The following SMARCA2 variants were observed in gnomAD, a reference collection of about 807,000 sequenced individuals.
The protein encoded by SMARCA2 is SWI/SNF related BAF chromatin remodeling complex subunit ATPase 2, also known as SWI/SNF-related matrix-associated actin-dependent regulator of chromatin subfamily A member 2.
A neutral mutation model predicts 199.8 loss-of-function variants in SMARCA2; 61 were observed. The observed-to-expected ratio is 0.31, with a 90% CI of 0.25 to 0.38. SMARCA2 has a LOEUF of 0.38. SMARCA2 is among the 10% of genes least tolerant of loss of function. SMARCA2 has a pLI of 1.00. For missense variants in SMARCA2, 1,344 were observed against 2,012.2 expected, an observed-to-expected ratio of 0.67 and a Z score of 6.35; for synonymous variants, 935 against 732.0, an observed-to-expected ratio of 1.28 and a Z score of -4.48.
At chr9:2,107,607 C>T (rs1355560589) in intron 23 of SMARCA2, among the ~76,000 whole-genome samples, 1 of 152,190 alleles carries the variant, frequency 6.6e-6, no homozygotes, top group South Asian at 2.1e-4. Context: ...TGTGAGCCAC[C>T]ATGCCTGGCC....
intron 7 of SMARCA2, 120 bp from the exon 8 acceptor site, chr9:2,058,171 T>C (rs368036108): frequency 1.2e-6 from 1 of 848,574 alleles, no homozygotes. Flanking sequence ...CCCAAACAGA[T>C]TCTAGTCTTC....
chr9:2,166,161 G>C (rs1461524208), intron 28 of SMARCA2, among the ~76,000 whole-genome samples: 2 of 152,152 alleles, frequency 1.3e-5, no homozygotes, highest in Non-Finnish European at 2.9e-5. Flanking sequence ...TCAGGACATT[G>C]TCCTTCAGGT....
rs1308535402 is a variant in SMARCA2 at position 2,026,489 on chromosome 9, A to G, written c.-36-2498A>G. ...ATGAGTAATTACAACATTCTCTGAGATTCCCAGGTGGAAATGATAATGCAT... is the reference window on the plus strand; with the variant it reads ...ATGAGTAATTACAACATTCTCTGAGGTTCCCAGGTGGAAATGATAATGCAT... On this transcript the variant is annotated intron_variant, in intron 1 of 33. Transcript: ENST00000349721. Among the ~76,000 whole-genome samples, 4 of 152,208 alleles carry G rather than the reference A, an allele frequency of 2.6e-5. No homozygotes were observed. In the East Asian group the frequency reaches 7.7e-4, roughly 29 times the overall value.
chr9:2,175,202 G>A (rs556535778), intron 29 of SMARCA2, among the ~76,000 whole-genome samples: 1 of 152,250 alleles, frequency 6.6e-6, no homozygotes, highest in South Asian at 2.1e-4. Context: ...GAAACGTCAA[G>A]TGAGAAAGAG....
intron 29 of SMARCA2, among the ~76,000 whole-genome samples, chr9:2,180,442 T>A (rs1011212707): frequency 2.1e-4 from 32 of 152,208 alleles, no homozygotes; most frequent in Admixed American, 5.9e-4. Context: ...ACTGGGACTG[T>A]GGATTAAAAC....
chr9:2,054,590 C>G lies in SMARCA2; in HGVS notation c.1047-7C>G, dbSNP rs201597740. 2 of 1,610,664 alleles carry G rather than the reference C, an allele frequency of 1.2e-6. No individual in the cohort carries two copies. The highest frequency in any genetic ancestry group is 1.7e-6 in the Non-Finnish European group (2 of 1,178,134). On this transcript the variant is annotated splice_region_variant and splice_polypyrimidine_tract_variant and intron_variant, in intron 5 of 33. Transcript: ENST00000349721. ...CCCCCTTTTCCCCATTTTATTGTTT[C>G]CTTTAGACTTCAGGCCCGCATAGCT...
intron 10 of SMARCA2, among the ~76,000 whole-genome samples, chr9:2,072,631 G>A (rs1034615001): frequency 6.6e-6 from 1 of 152,216 alleles, no homozygotes; most frequent in African/African-American, 2.4e-5. Context: ...CTTTGCAATA[G>A]TTGTTATCTG....
intron 29 of SMARCA2, among the ~76,000 whole-genome samples, chr9:2,171,927 C>T (rs1371809660): frequency 6.6e-6 from 1 of 152,192 alleles, no homozygotes; most frequent in African/African-American, 2.4e-5. Context: ...GTGCCATGCC[C>T]AGGCTTTTTG....
rs74502095 is a variant in SMARCA2 at position 2,110,666 on chromosome 9, C to T, written c.3456+249C>T. On this transcript the variant is annotated intron_variant, in intron 24 of 33. Transcript: ENST00000349721. The surrounding 1 kb of genome is among the most constrained non-coding windows in gnomAD (Gnocchi z 4.8). ...TTTCTCCTTAGTTTTAATCCCATCT[C>T]TTGGGATTGCCATTGAACAAAGTAT... 6.6e-6 allele frequency among the ~76,000 whole-genome samples: 1 copy of T among 152,182 alleles called. No homozygotes were observed. The highest frequency in any genetic ancestry group is 1.5e-5 in the Non-Finnish European group (1 of 68,026).
intron 27 of SMARCA2, among the ~76,000 whole-genome samples, chr9:2,154,252 A>G (rs543698901): frequency 1.3e-5 from 2 of 152,206 alleles, no homozygotes; most frequent in East Asian, 1.9e-4. Context: ...GTGTTAGCCA[A>G]TGTTGCTGCT....
At chr9:2,095,758 T>C (rs1399386395) in intron 19 of SMARCA2, among the ~76,000 whole-genome samples, 3 of 152,270 alleles carry the variant, frequency 2.0e-5, no homozygotes, top group African/African-American at 7.2e-5. Flanking sequence ...ATGTGATCAT[T>C]TTACATCAGT....
chr9:2,102,971 T>G (rs557301454), intron 22 of SMARCA2, among the ~76,000 whole-genome samples: 65 of 151,992 alleles, frequency 4.3e-4, no homozygotes, highest in African/African-American at 1.4e-3. Context: ...GTTTTTTTTT[T>G]TTTTTTAATT....
intron 27 of SMARCA2, among the ~76,000 whole-genome samples, chr9:2,132,673 T>G (rs1451974253): frequency 1.3e-5 from 2 of 152,192 alleles, no homozygotes; most frequent in Non-Finnish European, 2.9e-5. Context: ...TGCATTTCCG[T>G]TTTTATACAC....
At chr9:2,142,859 G>C (rs1218240580) in intron 27 of SMARCA2, among the ~76,000 whole-genome samples, 1 of 152,130 alleles carries the variant, frequency 6.6e-6, no homozygotes, top group Non-Finnish European at 1.5e-5. Flanking sequence ...GTCATCCTGA[G>C]AAAGCAGAGG....
chr9:2,066,392 A>G (rs1015344396), intron 9 of SMARCA2, among the ~76,000 whole-genome samples: 4 of 152,208 alleles, frequency 2.6e-5, no homozygotes, highest in Non-Finnish European at 5.9e-5. Flanking sequence ...GTTGTTGATT[A>G]CTTTTTATAC....
intron 9 of SMARCA2, among the ~76,000 whole-genome samples, chr9:2,067,338 C>T (rs916211511): frequency 1.3e-5 from 2 of 152,196 alleles, no homozygotes; most frequent in Non-Finnish European, 2.9e-5. Flanking sequence ...CTTTTAAGTG[C>T]CTGATGCCCT....
At chr9:2,175,576 A>G (rs753381515) in intron 29 of SMARCA2, among the ~76,000 whole-genome samples, 5 of 152,218 alleles carry the variant, frequency 3.3e-5, no homozygotes, top group African/African-American at 7.2e-5. Context: ...GGTTGGTCCT[A>G]TGATCCTTAA....
At chr9:2,079,749 T>C (rs1209289519) in intron 14 of SMARCA2, among the ~76,000 whole-genome samples, 1 of 152,240 alleles carries the variant, frequency 6.6e-6, no homozygotes, top group African/African-American at 2.4e-5. Flanking sequence ...CTGACATAGA[T>C]GTTAACTCAT....
chr9:2,070,522 C>T (rs1821044962), intron 10 of SMARCA2, 51 bp downstream of exon 10: 4 of 1,367,414 alleles, frequency 2.9e-6, no homozygotes, highest in African/African-American at 1.4e-5. Context: ...GAGTCTGTGC[C>T]ATACCTGGCA....
Sources: gnomAD v4.1 joint callset for allele counts (sites outside exome capture counted in the v4.1 genomes callset) on GRCh38, gnomAD v4.1.1 for gene constraint, Gnocchi (gnomAD v3.1) non-coding constraint, MANE v1.5 for transcripts, NCBI Gene and HGNC (gene_info 2026-07-23, HGNC 2026-07-21) for gene names.